UVRAG: variants seen among roughly 807,000 people sequenced by gnomAD.
UVRAG encodes the protein UV radiation resistance-associated gene protein.
Under a neutral mutation model 78.0 loss-of-function variants are expected in UVRAG, and 19 were observed. That is an observed-to-expected ratio of 0.24 (90% CI 0.17 to 0.36). The LOEUF is 0.36. Ranked by LOEUF, UVRAG falls within the 10% of genes least tolerant of loss-of-function variation. The probability of loss-of-function intolerance (pLI) is 1.00; values close to 1 mark genes in which losing one functional copy is unlikely to be tolerated. For synonymous variants in UVRAG, 323 were observed against 324.6 expected, an observed-to-expected ratio of 1.00 and a Z score of 0.05; for missense variants, 740 against 853.8, an observed-to-expected ratio of 0.87 and a Z score of 1.66.
intron 7 of UVRAG, among the ~76,000 whole-genome samples, chr11:75,963,355 A>AGGG (rs1244275246): frequency 2.6e-5 from 4 of 152,230 alleles, no homozygotes; most frequent in Non-Finnish European, 4.4e-5. Context: ...AGCTTAAAGA[A>AGGG]GGGAAACAGC....
At chr11:75,933,890 A>C (rs1445772343) in intron 6 of UVRAG, among the ~76,000 whole-genome samples, 1 of 152,218 alleles carries the variant, frequency 6.6e-6, no homozygotes, top group African/African-American at 2.4e-5. Flanking sequence ...GAACCCTTGT[A>C]CACTGTTAGT....
At chr11:76,084,257 A>C (rs952398663) in intron 13 of UVRAG, among the ~76,000 whole-genome samples, 5 of 152,224 alleles carry the variant, frequency 3.3e-5, no homozygotes, top group Non-Finnish European at 7.3e-5. Context: ...AATTCATACC[A>C]GGAGAGATAA....
intron 1 of UVRAG, among the ~76,000 whole-genome samples, chr11:75,843,316 A>G (rs924603106): frequency 6.6e-6 from 1 of 152,238 alleles, no homozygotes; most frequent in Admixed American, 6.5e-5. Context: ...AAATACGGGT[A>G]TGTTTAATAA....
chr11:76,063,479 T>A (rs1565144434), intron 12 of UVRAG, among the ~76,000 whole-genome samples: 1 of 152,210 alleles, frequency 6.6e-6, no homozygotes, highest in Non-Finnish European at 1.5e-5. Context: ...ACACACGTAA[T>A]CTATTTATTG....
intron 14 of UVRAG, among the ~76,000 whole-genome samples, chr11:76,135,517 G>GTTTATTAAGTAAT (rs561148973): frequency 0.01 from 1,554 of 152,296 alleles, 31 homozygotes; most frequent in African/African-American, 0.035. Context: ...ATGGCAAAAG[G>GTTTATTAAGTAAT]TTAACAGTCC....
At chr11:76,136,890 T>C (rs1256341108) in intron 14 of UVRAG, among the ~76,000 whole-genome samples, 2 of 152,190 alleles carry the variant, frequency 1.3e-5, no homozygotes, top group African/African-American at 4.8e-5. Flanking sequence ...TGATGGGTAA[T>C]AGACTTGTGA....
chr11:75,956,388 C>CTTTTTTTTTT (rs1319171839), intron 6 of UVRAG, among the ~76,000 whole-genome samples: 1 of 128,780 alleles, frequency 7.8e-6, no homozygotes, highest in African/African-American at 2.9e-5. Flanking sequence ...CAATTCTTGC[C>CTTTTTTTTTT]TTTTTTTTTT....
At chr11:75,962,444 C>T (rs763680976) in intron 7 of UVRAG, among the ~76,000 whole-genome samples, 1 of 151,338 alleles carries the variant, frequency 6.6e-6, no homozygotes, top group Non-Finnish European at 1.5e-5. Context: ...CTTACAGAAA[C>T]TTCTCTCTCA....
Position 75,870,875 on chromosome 11 carries a change from A to AT in UVRAG, c.271-8993dup, listed in dbSNP as rs796351174. 1.8e-3 allele frequency among the ~76,000 whole-genome samples: 260 copies of AT among 147,590 alleles called. 2 individuals are homozygous for AT. The highest frequency in any genetic ancestry group is 4.5e-3 in the African/African-American group (183 of 40,536). On this transcript the variant is annotated intron_variant, in intron 3 of 14. Transcript: ENST00000356136. ...CTTTTGCTTTTCTTTGCTTTATTTT[A>AT]TTTTTTTTTTTGATACGGAGTTTCA...
intron 2 of UVRAG, among the ~76,000 whole-genome samples, chr11:75,857,647 G>A (rs142774489): frequency 0.039 from 5,897 of 152,010 alleles, 146 homozygotes; most frequent in Middle Eastern, 0.058. Context: ...ATGCCACCAC[G>A]CCCAGCTAAT....
At chr11:75,942,368 AAT>A (rs1414811144) in intron 6 of UVRAG, 3 of 152,940 alleles carry the variant, frequency 2.0e-5, no homozygotes, top group African/African-American at 7.2e-5. Context: ...CTTTGAATAA[AAT>A]ATATATTTTT....
At chr11:76,121,882 ATTCCC>A (rs1292973671) in intron 14 of UVRAG, among the ~76,000 whole-genome samples, 2 of 152,178 alleles carry the variant, frequency 1.3e-5, no homozygotes, top group South Asian at 2.1e-4. Context: ...ATAAGTGTGT[ATTCCC>A]TCAGTAGCTT....
Position 75,961,779 on chromosome 11 carries a change from A to G in UVRAG, c.699+230A>G, listed in dbSNP as rs141935180. 3.5e-3 allele frequency among the ~76,000 whole-genome samples: 537 copies of G among 152,318 alleles called. 1 individual carries two copies. Among genetic ancestry groups the G allele is most frequent in the Middle Eastern group, 0.02 (6 of 294 alleles). ...TAGATGAAACTTTATATTACATAAA[A>G]TTACTTAGAAGATAATTAACAGGCA... On this transcript the variant is annotated intron_variant, in intron 7 of 14. Coordinates refer to ENST00000356136, the MANE Select transcript of UVRAG (RefSeq NM_003369.4).
At chr11:75,981,475 G>A (rs1949391805) in intron 7 of UVRAG, among the ~76,000 whole-genome samples, 1 of 151,566 alleles carries the variant, frequency 6.6e-6, no homozygotes, top group African/African-American at 2.4e-5. Flanking sequence ...GTGTGTGACA[G>A]GGTCTTGCTC....
chr11:75,916,248 G>C (rs1309189686), intron 6 of UVRAG: 1 of 152,148 alleles, frequency 6.6e-6, no homozygotes, highest in Non-Finnish European at 1.5e-5. Flanking sequence ...CTGGATGCAA[G>C]ACTTTGAGCA....
At chr11:75,947,267 T>TCAC in intron 6 of UVRAG, among the ~76,000 whole-genome samples, 1 of 152,302 alleles carries the variant, frequency 6.6e-6, no homozygotes, top group Non-Finnish European at 1.5e-5. Flanking sequence ...TACGTGACCT[T>TCAC]AATTATAGCC....
At chr11:76,081,189 A>G (rs1262688081) in intron 13 of UVRAG, among the ~76,000 whole-genome samples, 1 of 149,382 alleles carries the variant, frequency 6.7e-6, no homozygotes. Context: ...CCTCTTATTC[A>G]CTGTAACATT....
At chr11:75,866,421 C>T (rs1302816396) in intron 3 of UVRAG, among the ~76,000 whole-genome samples, 8 of 151,792 alleles carry the variant, frequency 5.3e-5, no homozygotes, top group East Asian at 1.9e-4. Context: ...GTGGTGCATA[C>T]GTGTAGTTCC....
At chr11:75,997,782 G>A (rs555820427) in intron 8 of UVRAG, among the ~76,000 whole-genome samples, 2 of 152,174 alleles carry the variant, frequency 1.3e-5, no homozygotes, top group African/African-American at 4.8e-5. Flanking sequence ...ACCATCAGAG[G>A]CTTCAAGCTT....
Sources: allele counts gnomAD v4.1 joint callset (sites outside exome capture counted in the v4.1 genomes callset), GRCh38; gene constraint gnomAD v4.1.1; transcripts MANE v1.5; gene names NCBI Gene and HGNC (gene_info 2026-07-23, HGNC 2026-07-21).